The following IGF2BP3 variants were observed in gnomAD, a reference collection of about 807,000 sequenced individuals.
The protein encoded by IGF2BP3 is insulin-like growth factor 2 mRNA-binding protein 3.
IGF2BP3 carries 9 observed loss-of-function variants against 73.8 expected under a neutral mutation model. The observed-to-expected ratio is 0.12, with a 90% CI of 0.07 to 0.21. The LOEUF (loss-of-function observed/expected upper bound fraction) is 0.21, where lower values mean the gene tolerates loss of function less well. Ranked by LOEUF, IGF2BP3 falls within the 10% of genes least tolerant of loss-of-function variation. The pLI, the probability that IGF2BP3 is intolerant of heterozygous loss-of-function variation, is 1.00. For synonymous variants in IGF2BP3, 258 were observed against 256.7 expected, an observed-to-expected ratio of 1.01 and a Z score of -0.05; for missense variants, 542 against 714.0, an observed-to-expected ratio of 0.76 and a Z score of 2.75.
chr7:23,446,613 A>G (rs1393794421), intron 2 of IGF2BP3, among the ~76,000 whole-genome samples: 4 of 152,202 alleles, frequency 2.6e-5, no homozygotes, highest in African/African-American at 9.6e-5. Flanking sequence ...GTAGAAAGCC[A>G]CTATTTGACA....
chr7:23,313,990 T>TC (rs1329272140), intron 12 of IGF2BP3, among the ~76,000 whole-genome samples: 1 of 152,188 alleles, frequency 6.6e-6, no homozygotes, highest in Non-Finnish European at 1.5e-5. Flanking sequence ...AGGTAAAACT[T>TC]CTCATGCTGG....
At chr7:23,403,275 T>C (rs1220175632) in intron 3 of IGF2BP3, among the ~76,000 whole-genome samples, 3 of 152,210 alleles carry the variant, frequency 2.0e-5, no homozygotes, top group Non-Finnish European at 4.4e-5. Context: ...AACACCAGTA[T>C]TGGTCCACTG....
intron 3 of IGF2BP3, among the ~76,000 whole-genome samples, chr7:23,411,042 G>C (rs574621976): frequency 6.6e-6 from 1 of 152,206 alleles, no homozygotes; most frequent in East Asian, 1.9e-4. Flanking sequence ...TCAAAGTCAG[G>C]CCACTGAGAA....
intron 2 of IGF2BP3, among the ~76,000 whole-genome samples, chr7:23,457,135 A>G (rs1788341477): frequency 6.6e-6 from 1 of 152,112 alleles, no homozygotes; most frequent in Non-Finnish European, 1.5e-5. Context: ...CTTTTGACAT[A>G]ACAATTCCCA....
chr7:23,403,265 A>G (rs1489223954), intron 3 of IGF2BP3, among the ~76,000 whole-genome samples: 1 of 152,204 alleles, frequency 6.6e-6, no homozygotes, highest in Non-Finnish European at 1.5e-5. Context: ...TTCCTGTCTC[A>G]ACACCAGTAT....
chr7:23,435,649 G>T (rs947054822), intron 2 of IGF2BP3, among the ~76,000 whole-genome samples: 1 of 152,080 alleles, frequency 6.6e-6, no homozygotes, highest in African/African-American at 2.4e-5. Context: ...GTAAAGATGA[G>T]GTTTCACCAT....
At chr7:23,393,866 G>A (rs897237232) in intron 3 of IGF2BP3, among the ~76,000 whole-genome samples, 3 of 152,248 alleles carry the variant, frequency 2.0e-5, no homozygotes, top group Non-Finnish European at 2.9e-5. Flanking sequence ...CTCCTGCTGC[G>A]GAAGGAAGGA....
At chr7:23,345,173 T>C (rs1784800177) in intron 8 of IGF2BP3, among the ~76,000 whole-genome samples, 1 of 152,322 alleles carries the variant, frequency 6.6e-6, no homozygotes, top group East Asian at 1.9e-4. Flanking sequence ...CCCACCTTTT[T>C]GAGTACTCTG....
At chr7:23,362,441 G>A (rs1010430176) in intron 3 of IGF2BP3, 14 of 152,096 alleles carry the variant, frequency 9.2e-5, no homozygotes, top group Admixed American at 3.9e-4. Context: ...TAAATACATA[G>A]ACAGCAAAAG....
chr7:23,327,527 C>T (rs368766997), intron 10 of IGF2BP3, among the ~76,000 whole-genome samples: 1,595 of 152,130 alleles, frequency 0.01, 25 homozygotes, highest in African/African-American at 0.036. Flanking sequence ...GTGATCCGCC[C>T]GCCTCGGCCT....
At chr7:23,319,100 C>A (rs1487430228) in intron 11 of IGF2BP3, 38 bp downstream of exon 11, 9 of 1,268,200 alleles carry the variant, frequency 7.1e-6, no homozygotes, top group Non-Finnish European at 9.1e-6. Context: ...CTGTAACTTA[C>A]TTAAAGAACC....
rs1786300640 is a variant in IGF2BP3 at position 23,392,273 on chromosome 7, A to T, written c.285+26503T>A. Among the ~76,000 whole-genome samples, 3 of 152,160 alleles carry T rather than the reference A, an allele frequency of 2.0e-5. No individual in the cohort carries two copies. In the South Asian group the frequency reaches 6.2e-4, roughly 31 times the overall value. ...AATGAACCAAGACTTCCTCAAGCTTAGCTAAGCCTCAAATGAGAAAGGCAA... is the reference window on the plus strand; with the variant it reads ...AATGAACCAAGACTTCCTCAAGCTTTGCTAAGCCTCAAATGAGAAAGGCAA... On this transcript the variant is annotated intron_variant, in intron 3 of 14. Coordinates refer to ENST00000258729, the MANE Select transcript of IGF2BP3 (RefSeq NM_006547.3).
intron 3 of IGF2BP3, among the ~76,000 whole-genome samples, chr7:23,395,403 A>T (rs1786419821): frequency 6.6e-6 from 1 of 151,996 alleles, no homozygotes. Context: ...AATAAAAAAC[A>T]ACACAAAGAA....
At chr7:23,407,786 C>CA (rs1392841638) in intron 3 of IGF2BP3, among the ~76,000 whole-genome samples, 1 of 151,842 alleles carries the variant, frequency 6.6e-6, no homozygotes, top group Non-Finnish European at 1.5e-5. Flanking sequence ...AATGGCAATA[C>CA]AAAAAACATC....
intron 2 of IGF2BP3, among the ~76,000 whole-genome samples, chr7:23,419,483 C>G (rs1787284227): frequency 6.6e-6 from 1 of 152,148 alleles, no homozygotes; most frequent in African/African-American, 2.4e-5. Context: ...CACCTATCAC[C>G]AAGTTTTAAC....
chr7:23,408,266 A>C (rs568475289), intron 3 of IGF2BP3, among the ~76,000 whole-genome samples: 3 of 152,340 alleles, frequency 2.0e-5, no homozygotes, highest in South Asian at 4.1e-4. Context: ...CATACAGACT[A>C]TAAAGGAATA....
intron 3 of IGF2BP3, among the ~76,000 whole-genome samples, chr7:23,398,190 G>A (rs1786539298): frequency 6.6e-6 from 1 of 151,654 alleles, no homozygotes; most frequent in Non-Finnish European, 1.5e-5. Flanking sequence ...GCGATAGTTT[G>A]CTGAGAATGA....
chr7:23,411,879 TTTTATATTA>T (rs1361452009), intron 3 of IGF2BP3, among the ~76,000 whole-genome samples: 2 of 152,132 alleles, frequency 1.3e-5, no homozygotes, highest in Admixed American at 1.3e-4. Context: ...CTCTGAGCTA[TTTTATATTA>T]ACTATGGTAT....
At chr7:23,435,008 A>G (rs115600901) in intron 2 of IGF2BP3, among the ~76,000 whole-genome samples, 2,270 of 152,134 alleles carry the variant, frequency 0.015, 60 homozygotes, top group African/African-American at 0.052. Flanking sequence ...AAAAATCCTG[A>G]AAATGGGCCA....
Sources: gnomAD v4.1 joint callset for allele counts (sites outside exome capture counted in the v4.1 genomes callset) on GRCh38, gnomAD v4.1.1 for gene constraint, MANE v1.5 for transcripts, NCBI Gene and HGNC (gene_info 2026-07-23, HGNC 2026-07-21) for gene names.